SEMA3A: variants seen among roughly 807,000 people sequenced by gnomAD.
SEMA3A encodes semaphorin-3A.
A neutral mutation model predicts 97.9 loss-of-function variants in SEMA3A; 29 were observed. The ratio of observed to expected loss-of-function variants is 0.30; its 90% confidence interval spans 0.22 to 0.40. The LOEUF is 0.40. SEMA3A is among the 10% of genes least tolerant of loss of function. SEMA3A has a pLI of 1.00. For missense variants in SEMA3A, 763 were observed against 951.3 expected (o/e 0.80, Z 2.60); for synonymous variants, 321 against 323.7 (o/e 0.99, Z 0.09).
At chr7:84,338,636 T>C (rs1021517503) in intron 2 of SEMA3A, among the ~76,000 whole-genome samples, 1 of 152,082 alleles carries the variant, frequency 6.6e-6, no homozygotes, top group African/African-American at 2.4e-5. Context: ...TAGGCATAAA[T>C]GAATATAATG....
chr7:84,050,687 A>T (rs375293776), intron 5 of SEMA3A, among the ~76,000 whole-genome samples: 292 of 152,056 alleles, frequency 1.9e-3, no homozygotes, highest in African/African-American at 6.6e-3. Context: ...GTAGTTTCTT[A>T]TGCTGTGCAG....
At chr7:84,194,357 G>A (rs1358846814) in intron 1 of SEMA3A, 118 bp downstream of exon 1, 2 of 662,616 alleles carry the variant, frequency 3.0e-6, no homozygotes, top group South Asian at 1.8e-5. Flanking sequence ...ACATAATCAC[G>A]TCGGTTTACC....
At chr7:83,978,656 T>C (rs1222283349) in intron 14 of SEMA3A, among the ~76,000 whole-genome samples, 1 of 152,246 alleles carries the variant, frequency 6.6e-6, no homozygotes, top group Non-Finnish European at 1.5e-5. Context: ...AAAGTATTTA[T>C]AGATTTCTAT....
intron 4 of SEMA3A, among the ~76,000 whole-genome samples, chr7:84,077,648 T>A (rs1794000742): frequency 6.6e-6 from 1 of 152,088 alleles, no homozygotes; most frequent in African/African-American, 2.4e-5. Context: ...TGATTTTCTT[T>A]TAGCAAATTA....
intron 3 of SEMA3A, among the ~76,000 whole-genome samples, chr7:84,286,538 T>A (rs572011225): frequency 1.3e-5 from 2 of 152,332 alleles, no homozygotes; most frequent in African/African-American, 2.4e-5. Flanking sequence ...GATGGATTCA[T>A]ATTTTATTAG....
chr7:84,072,422 A>T (rs1793774217), intron 4 of SEMA3A, among the ~76,000 whole-genome samples: 2 of 152,184 alleles, frequency 1.3e-5, no homozygotes, highest in Non-Finnish European at 1.5e-5. Flanking sequence ...GTTTTTGCTC[A>T]ATAGGAATTA....
At chr7:84,365,565 T>C (rs2116081197) in intron 2 of SEMA3A, among the ~76,000 whole-genome samples, 1 of 151,738 alleles carries the variant, frequency 6.6e-6, no homozygotes, top group East Asian at 1.9e-4. Flanking sequence ...AATATGACTG[T>C]ATCTCATACT....
chr7:84,303,724 T>C (rs920568564), intron 3 of SEMA3A, among the ~76,000 whole-genome samples: 4 of 152,146 alleles, frequency 2.6e-5, no homozygotes, highest in Non-Finnish European at 4.4e-5. Flanking sequence ...CAATATTCAA[T>C]AAATTACATG....
chr7:84,474,159 G>A (rs1425777989), intron 1 of SEMA3A, among the ~76,000 whole-genome samples: 2 of 152,162 alleles, frequency 1.3e-5, no homozygotes, highest in East Asian at 1.9e-4. Context: ...TATGATTAGA[G>A]AAAAGAGCTA....
chr7:84,173,064 A>G (rs1473061053), intron 1 of SEMA3A, among the ~76,000 whole-genome samples: 2 of 152,142 alleles, frequency 1.3e-5, no homozygotes, highest in African/African-American at 4.8e-5. Context: ...ACACTTTATG[A>G]CCATATTTTC....
intron 3 of SEMA3A, among the ~76,000 whole-genome samples, chr7:84,241,019 G>A (rs1799349408): frequency 6.6e-6 from 1 of 152,164 alleles, no homozygotes; most frequent in Non-Finnish European, 1.5e-5. Context: ...AGGGTGCTTG[G>A]GTTGGTTCCA....
chr7:84,425,466 T>G lies in SEMA3A; in HGVS notation c.-245-53566A>C, dbSNP rs186054062. On this transcript the variant is annotated intron_variant, in intron 1 of 3. Coordinates refer to the SEMA3A transcript ENST00000424555. ...ATATATTTATATGCATATAAATATA[T>G]ACATATATTTATATAAAAATATAAT... Among the ~76,000 whole-genome samples the G allele has an allele frequency of 6.7e-3, 934 of 139,804 alleles. 10 individuals carry two copies. The highest frequency in any genetic ancestry group is 0.022 in the African/African-American group (833 of 38,456). The allele number at this position is 139,804 out of a possible 152,430, so 91.7% of individuals were successfully genotyped here. A position where few individuals can be genotyped will look rare whatever the true frequency, so the allele number is the denominator to read the frequency against.
At chr7:84,317,593 T>C (rs1028579598) in intron 2 of SEMA3A, among the ~76,000 whole-genome samples, 3 of 152,194 alleles carry the variant, frequency 2.0e-5, no homozygotes, top group Non-Finnish European at 4.4e-5. Context: ...ATAACATGAT[T>C]TTATTGATAT....
At position 84,110,631 on chromosome 7, in the gene SEMA3A, A is replaced by G. The variant is rs1420184350; in HGVS notation, c.334-42T>C. The G allele has an allele frequency of 2.5e-6, 4 of 1,611,500 alleles. No homozygotes were observed. The African/African-American group carries it at 5.4e-5, about 22-fold the overall frequency. ...AAACCAAAGAGTTTCAGCAATCAGC[A>G]TGACTGAGGTATCCTCTAGGGTGCT... On this transcript the variant is annotated intron_variant, in intron 3 of 16. Transcript: ENST00000265362.
At chr7:84,085,577 T>G (rs2115820061) in intron 4 of SEMA3A, among the ~76,000 whole-genome samples, 1 of 152,282 alleles carries the variant, frequency 6.6e-6, no homozygotes, top group Admixed American at 6.6e-5. Context: ...TTAAAATGTT[T>G]ATTTTTTTGC....
At chr7:84,479,694 T>C (rs1319952950) in intron 1 of SEMA3A, among the ~76,000 whole-genome samples, 1 of 152,170 alleles carries the variant, frequency 6.6e-6, no homozygotes, top group Non-Finnish European at 1.5e-5. Context: ...AAGAGCTATA[T>C]TTTATTCTTA....
chr7:84,014,936 C>T (rs1033920316), intron 6 of SEMA3A, among the ~76,000 whole-genome samples: 6 of 152,078 alleles, frequency 3.9e-5, no homozygotes, highest in Admixed American at 2.0e-4. Flanking sequence ...ATCAGCATAT[C>T]CTTATTTATC....
In SEMA3A at chr7:84,312,901, TATATATATATATATATATATACACACAC is replaced by T. The variant is rs1801369919; in HGVS notation, c.-168-5637_-168-5610del. ...ATATATATATATATATATATATATA[TATATATATATATATATATATACACACAC>T]ACACACACACACACGTACACACATA... On this transcript the variant is annotated intron_variant, in intron 2 of 3. Coordinates refer to the SEMA3A transcript ENST00000424555. Among the ~76,000 whole-genome samples the T allele has an allele frequency of 2.5e-5, 2 of 81,270 alleles. 1 individual carries two copies. Among genetic ancestry groups the T allele is most frequent in the African/African-American group, 9.2e-5 (2 of 21,764 alleles). 53.3% of individuals were successfully genotyped at this position (81,270 alleles called of 152,430 possible). A position where few individuals can be genotyped will look rare whatever the true frequency, so the allele number is the denominator to read the frequency against.
chr7:84,399,670 C>A (rs1238383931), intron 1 of SEMA3A, among the ~76,000 whole-genome samples: 1 of 152,162 alleles, frequency 6.6e-6, no homozygotes, highest in Non-Finnish European at 1.5e-5. Flanking sequence ...CCATTGTGAG[C>A]CAGAAAGAAA....
Sources: allele counts gnomAD v4.1 joint callset (sites outside exome capture counted in the v4.1 genomes callset), GRCh38; gene constraint gnomAD v4.1.1; transcripts MANE v1.5; gene names NCBI Gene and HGNC (gene_info 2026-07-23, HGNC 2026-07-21).